The following MAL2 variants were observed in gnomAD, a reference collection of about 807,000 sequenced individuals.
The protein encoded by MAL2 is protein MAL2.
A neutral mutation model predicts 18.1 loss-of-function variants in MAL2; 17 were observed. That is an observed-to-expected ratio of 0.94 (90% CI 0.64 to 1.41). The LOEUF is 1.41. MAL2 is among the 40% of genes most tolerant of loss of function. The pLI, the probability that MAL2 is intolerant of heterozygous loss-of-function variation, is 0.00. For synonymous variants in MAL2, 102 were observed against 102.3 expected (o/e 1.00, Z 0.02); for missense variants, 222 against 231.9 (o/e 0.96, Z 0.28).
Position 119,208,562 on chromosome 8 carries a change from C to T in MAL2, c.90C>T (p.Asp30=). 1 of 1,401,410 alleles carries T rather than the reference C, an allele frequency of 7.1e-7. No individual in the cohort carries two copies. Among genetic ancestry groups the T allele is most frequent in the Non-Finnish European group, 9.3e-7 (1 of 1,072,562 alleles). The allele number at this position is 1,401,410 out of a possible 1,614,324, so 86.8% of individuals were successfully genotyped here. A position where few individuals can be genotyped will look rare whatever the true frequency, so the allele number is the denominator to read the frequency against. The change falls in exon 1 of 4, where the codon GAC becomes GAT. Residue 30 remains aspartate (D), a synonymous_variant. Coordinates refer to ENST00000614891, the MANE Select transcript of MAL2 (RefSeq NM_052886.3). This position sits in a 1 kb window ranked among gnomAD's most constrained non-coding sequence, Gnocchi z 4.3. ...GGGTCACCCTGCCCGCCGGCCCCGA[C>T]ATCCTGCGGACCTACTCGGGCGCCT... ...PPRVTLPAGP[D]ILRTYSGAFV...
At chr8:119,223,278 G>A (rs1027375038) in intron 2 of MAL2, 2 of 152,240 alleles carry the variant, frequency 1.3e-5, no homozygotes, top group African/African-American at 4.8e-5. Flanking sequence ...GAAGGAAGTG[G>A]AGTACCGTGG....
intron 1 of MAL2, among the ~76,000 whole-genome samples, chr8:119,219,147 A>G (rs1299243832): frequency 2.6e-5 from 4 of 152,194 alleles, no homozygotes; most frequent in Non-Finnish European, 4.4e-5. Context: ...TATTCATTAG[A>G]TTTATTTCAT....
chr8:119,216,184 C>A (rs1376801131), intron 1 of MAL2, among the ~76,000 whole-genome samples: 1 of 152,024 alleles, frequency 6.6e-6, no homozygotes, highest in African/African-American at 2.4e-5. Context: ...AAGGTGTGGA[C>A]TGTGTCCTCA....
intron 1 of MAL2, among the ~76,000 whole-genome samples, chr8:119,213,213 A>T (rs1223095734): frequency 6.6e-6 from 1 of 152,220 alleles, no homozygotes; most frequent in East Asian, 1.9e-4. Flanking sequence ...ATTATGCCAG[A>T]AAAACAAATG....
chr8:119,231,539 A>C (rs1466258472), intron 2 of MAL2, among the ~76,000 whole-genome samples: 1 of 152,206 alleles, frequency 6.6e-6, no homozygotes, highest in East Asian at 1.9e-4. Context: ...ACAGTGTGGA[A>C]GTTCCTCAAA....
intron 2 of MAL2, among the ~76,000 whole-genome samples, chr8:119,226,408 C>A (rs186995513): frequency 1.3e-5 from 2 of 148,734 alleles, no homozygotes; most frequent in East Asian, 2.0e-4. Context: ...CCTTTCCCCC[C>A]CTTTTTTTTT....
At chr8:119,217,840 G>A (rs566866588) in intron 1 of MAL2, among the ~76,000 whole-genome samples, 1 of 152,058 alleles carries the variant, frequency 6.6e-6, no homozygotes, top group Non-Finnish European at 1.5e-5. Flanking sequence ...TAATTACACC[G>A]TTTTGCAAAC....
chr8:119,233,965 C>A (rs190844594), intron 2 of MAL2, among the ~76,000 whole-genome samples: 2,145 of 151,964 alleles, frequency 0.014, 51 homozygotes, highest in African/African-American at 0.05. Context: ...GCCAAGATGG[C>A]CGAATAGGAA....
chr8:119,241,364 A>G (rs190485918), intron 3 of MAL2, among the ~76,000 whole-genome samples: 233 of 151,844 alleles, frequency 1.5e-3, no homozygotes, highest in Non-Finnish European at 2.1e-3. Context: ...CTTGTCTCTG[A>G]AAAAGGAAAA....
chr8:119,215,526 A>G (rs1201074046), intron 1 of MAL2: 3 of 152,260 alleles, frequency 2.0e-5, no homozygotes, highest in African/African-American at 4.8e-5. Flanking sequence ...TGAAATGGGC[A>G]TGTAGATCCA....
rs991851803 is a variant in MAL2 at position 119,210,706 on chromosome 8, T to G, written c.132+2102T>G. On this transcript the variant is annotated intron_variant, in intron 1 of 3. Coordinates refer to ENST00000614891, the MANE Select transcript of MAL2 (RefSeq NM_052886.3). ...TCCAGACTCACAGAAGTGTCCAATC[T>G]AATCCTCTTATCTCATTTCCTCTGG... 3.3e-5 allele frequency among the ~76,000 whole-genome samples: 5 copies of G among 152,210 alleles called. No homozygotes were observed. In the South Asian group the frequency reaches 8.3e-4, roughly 25 times the overall value.
At chr8:119,222,353 A>AC (rs1379730613) in intron 2 of MAL2, among the ~76,000 whole-genome samples, 2 of 151,858 alleles carry the variant, frequency 1.3e-5, no homozygotes, top group Admixed American at 1.3e-4. Flanking sequence ...ACATGGTGAC[A>AC]CCCCGTCTCT....
chr8:119,225,136 A>ATACTT (rs1280797523), intron 2 of MAL2, among the ~76,000 whole-genome samples: 3 of 151,706 alleles, frequency 2.0e-5, no homozygotes, highest in African/African-American at 4.8e-5. Flanking sequence ...AACTTTTTTT[A>ATACTT]TACTTTAGGT....
intron 1 of MAL2, among the ~76,000 whole-genome samples, chr8:119,220,159 C>G (rs1817439532): frequency 6.6e-6 from 1 of 152,204 alleles, no homozygotes; most frequent in African/African-American, 2.4e-5. Flanking sequence ...AACTCATCTT[C>G]ACACCATTTC....
intron 1 of MAL2, among the ~76,000 whole-genome samples, chr8:119,212,755 A>G (rs1198856939): frequency 6.6e-6 from 1 of 152,196 alleles, no homozygotes; most frequent in Admixed American, 6.5e-5. Context: ...AAACAAGGAC[A>G]CGTACAAACA....
chr8:119,222,963 T>C (rs992222591), intron 2 of MAL2, among the ~76,000 whole-genome samples: 1 of 152,242 alleles, frequency 6.6e-6, no homozygotes, highest in Admixed American at 6.5e-5. Flanking sequence ...AAGACTGTTT[T>C]AGAATGACTC....
At chr8:119,240,073 T>C (rs1482250427) in intron 2 of MAL2, 92 bp from the exon 3 acceptor site, 17 of 1,309,362 alleles carry the variant, frequency 1.3e-5, no homozygotes, top group Non-Finnish European at 1.7e-5. Context: ...ATTAAATGTT[T>C]TGATCTTGCT....
intron 1 of MAL2, among the ~76,000 whole-genome samples, chr8:119,212,885 G>C: frequency 6.6e-6 from 1 of 152,180 alleles, no homozygotes; most frequent in African/African-American, 2.4e-5. Flanking sequence ...GAAATGCTAG[G>C]CCAAGGCATT....
At chr8:119,227,936 T>TC (rs1414374901) in intron 2 of MAL2, among the ~76,000 whole-genome samples, 1 of 152,166 alleles carries the variant, frequency 6.6e-6, no homozygotes, top group Non-Finnish European at 1.5e-5. Flanking sequence ...AATCCAAATC[T>TC]CATTCCTGAG....
Sources: gnomAD v4.1 joint callset for allele counts (sites outside exome capture counted in the v4.1 genomes callset) on GRCh38, gnomAD v4.1.1 for gene constraint, Gnocchi (gnomAD v3.1) non-coding constraint, MANE v1.5 for transcripts, NCBI Gene and HGNC (gene_info 2026-07-23, HGNC 2026-07-21) for gene names.